The following PTPRD variants were observed in gnomAD, a reference collection of about 807,000 sequenced individuals.
PTPRD encodes the protein receptor-type tyrosine-protein phosphatase delta.
PTPRD carries 34 observed loss-of-function variants against 214.5 expected under a neutral mutation model. The observed-to-expected ratio is 0.16, with a 90% CI of 0.12 to 0.21. PTPRD has a LOEUF of 0.21. Among genes scored for constraint, PTPRD ranks in the 10% least tolerant of loss-of-function variants. PTPRD has a pLI of 1.00. For missense variants in PTPRD, 2,545 were observed against 2,398.7 expected (o/e 1.06, Z -1.27); for synonymous variants, 1,128 against 845.7 (o/e 1.33, Z -5.79).
chr9:8,687,127 A>T (rs1462355190), intron 12 of PTPRD, among the ~76,000 whole-genome samples: 3 of 152,190 alleles, frequency 2.0e-5, no homozygotes, highest in Non-Finnish European at 2.9e-5. Flanking sequence ...AGACTCTCCT[A>T]AAAAATATTC....
At chr9:9,019,457 G>C (rs1460557524) in intron 10 of PTPRD, among the ~76,000 whole-genome samples, 2 of 152,108 alleles carry the variant, frequency 1.3e-5, no homozygotes, top group East Asian at 3.9e-4. Context: ...GTTATCCCAG[G>C]ACTTGGGGAG....
chr9:8,404,544 A>G lies in PTPRD; in HGVS notation c.4203T>C (p.Ala1401=). The G allele has an allele frequency of 6.2e-7, 1 of 1,611,996 alleles. No homozygotes were observed. Among genetic ancestry groups the G allele is most frequent in the Non-Finnish European group, 8.5e-7 (1 of 1,178,392 alleles). Residue 1401 remains alanine (A), a synonymous_variant, in exon 36 of 46, where the codon GCT becomes GCC. Transcript: ENST00000381196. ...AYDHSRVLLS[A]IEGIPGSDYV... is the part of the protein sequence containing the mutation. The stretch of plus-strand genomic sequence containing the variant: ...ATGTCTGCATTTCCTTACCTTCTAT[A>G]GCTGATAGGAGAACCCGGGAATGAT...
At chr9:8,356,878 G>C (rs1417277587) in intron 39 of PTPRD, among the ~76,000 whole-genome samples, 1 of 151,994 alleles carries the variant, frequency 6.6e-6, no homozygotes, top group Non-Finnish European at 1.5e-5. Flanking sequence ...TAGGTCAAAG[G>C]AAATTACAGC....
chr9:8,898,464 G>A (rs1433541), intron 11 of PTPRD, among the ~76,000 whole-genome samples: 57,205 of 151,788 alleles, frequency 0.38, 11,216 homozygotes, highest in South Asian at 0.47. Flanking sequence ...TACAATGTAG[G>A]TGGCAATCCA....
chr9:8,433,623 A>T (rs890899127), intron 35 of PTPRD, among the ~76,000 whole-genome samples: 1 of 152,182 alleles, frequency 6.6e-6, no homozygotes, highest in Non-Finnish European at 1.5e-5. Flanking sequence ...CAAAAATTCT[A>T]AAAAGTTAAT....
At chr9:10,197,125 G>A (rs777836608) in intron 3 of PTPRD, among the ~76,000 whole-genome samples, 2 of 152,052 alleles carry the variant, frequency 1.3e-5, no homozygotes, top group African/African-American at 4.8e-5. Context: ...AAACTGTGTC[G>A]TGTTGCCAAA....
At chr9:10,273,863 T>C (rs993475425) in intron 3 of PTPRD, among the ~76,000 whole-genome samples, 1 of 152,262 alleles carries the variant, frequency 6.6e-6, no homozygotes, top group African/African-American at 2.4e-5. Flanking sequence ...TAATAGAGCA[T>C]TTTTGGAGCT....
chr9:9,868,953 G>A (rs1207390010), intron 5 of PTPRD, among the ~76,000 whole-genome samples: 1 of 151,988 alleles, frequency 6.6e-6, no homozygotes, highest in Non-Finnish European at 1.5e-5. Context: ...AAGAATATTT[G>A]CAAATATACA....
chr9:9,304,704 T>A (rs1368537730), intron 9 of PTPRD, among the ~76,000 whole-genome samples: 1 of 151,084 alleles, frequency 6.6e-6, no homozygotes, highest in Non-Finnish European at 1.5e-5. Flanking sequence ...TATATAATAC[T>A]ATATAATCTC....
At chr9:9,928,753 T>TACACACACACACACACACA (rs1259839394) in intron 5 of PTPRD, among the ~76,000 whole-genome samples, 7 of 101,736 alleles carry the variant, frequency 6.9e-5, no homozygotes, top group African/African-American at 5.0e-4. Context: ...CATCTCTCTC[T>TACACACACACACACACACA]CTATACACAC....
chr9:9,194,526 T>C (rs1593296488), intron 9 of PTPRD, among the ~76,000 whole-genome samples: 1 of 152,134 alleles, frequency 6.6e-6, no homozygotes, highest in Non-Finnish European at 1.5e-5. Flanking sequence ...ACAGGAAACT[T>C]CAGCTCCATT....
intron 10 of PTPRD, among the ~76,000 whole-genome samples, chr9:9,087,527 G>C (rs1217382313): frequency 6.6e-6 from 1 of 151,990 alleles, no homozygotes; most frequent in Non-Finnish European, 1.5e-5. Flanking sequence ...CTAAGAACCA[G>C]GATTGAAATA....
At chr9:10,549,103 G>A (rs2060760044) in intron 2 of PTPRD, among the ~76,000 whole-genome samples, 1 of 152,122 alleles carries the variant, frequency 6.6e-6, no homozygotes, top group African/African-American at 2.4e-5. Flanking sequence ...TAGACACTTT[G>A]TCTTATCAAT....
chr9:9,735,041 T>C (rs2098269281), intron 6 of PTPRD, among the ~76,000 whole-genome samples: 1 of 152,102 alleles, frequency 6.6e-6, no homozygotes, highest in Non-Finnish European at 1.5e-5. Flanking sequence ...TTTTGAAAAG[T>C]AAAACCATGA....
At chr9:10,077,116 C>A (rs559439149) in intron 3 of PTPRD, among the ~76,000 whole-genome samples, 2 of 152,238 alleles carry the variant, frequency 1.3e-5, no homozygotes, top group South Asian at 4.1e-4. Context: ...TTATTTATTT[C>A]CCACTCCTTA....
intron 5 of PTPRD, among the ~76,000 whole-genome samples, chr9:9,927,146 G>GAGT (rs1400215474): frequency 6.6e-6 from 1 of 152,028 alleles, no homozygotes; most frequent in African/African-American, 2.4e-5. Context: ...ATAAAATATT[G>GAGT]AGTATTTCTA....
chr9:10,491,051 T>C (rs895577871), intron 2 of PTPRD, among the ~76,000 whole-genome samples: 3 of 152,170 alleles, frequency 2.0e-5, no homozygotes, highest in Admixed American at 6.5e-5. Flanking sequence ...TCCCACCAGA[T>C]TGCAAGCTTC....
chr9:10,459,954 T>A (rs1158390546), intron 2 of PTPRD, among the ~76,000 whole-genome samples: 1 of 152,076 alleles, frequency 6.6e-6, no homozygotes, highest in Non-Finnish European at 1.5e-5. Context: ...CAAATATATA[T>A]AACATAAAAC....
intron 11 of PTPRD, among the ~76,000 whole-genome samples, chr9:8,855,771 C>A (rs1217346723): frequency 2.0e-5 from 3 of 152,086 alleles, no homozygotes; most frequent in Non-Finnish European, 4.4e-5. Flanking sequence ...TTAATAACAC[C>A]CATTAATCCC....
Sources: allele counts gnomAD v4.1 joint callset (sites outside exome capture counted in the v4.1 genomes callset), GRCh38; gene constraint gnomAD v4.1.1; transcripts MANE v1.5; gene names NCBI Gene and HGNC (gene_info 2026-07-23, HGNC 2026-07-21).